RPS6KA2: variants seen among roughly 807,000 people sequenced by gnomAD.
RPS6KA2 encodes ribosomal protein S6 kinase alpha-2.
A neutral mutation model predicts 91.8 loss-of-function variants in RPS6KA2; 42 were observed. The observed-to-expected ratio is 0.46, with a 90% CI of 0.36 to 0.59. The LOEUF is 0.59. RPS6KA2 is among the 20% of genes least tolerant of loss of function. The pLI, the probability that RPS6KA2 is intolerant of heterozygous loss-of-function variation, is 0.00. For synonymous variants in RPS6KA2, 414 were observed against 393.6 expected (o/e 1.05, Z -0.61); for missense variants, 798 against 978.5 (o/e 0.82, Z 2.46).
chr6:166,518,013 C>T (rs559986212), intron 3 of RPS6KA2, among the ~76,000 whole-genome samples: 101 of 152,302 alleles, frequency 6.6e-4, no homozygotes, highest in African/African-American at 2.0e-3. Context: ...CCACTCCACA[C>T]GCTATATTTC....
chr6:166,530,733 C>T (rs1035122334), intron 3 of RPS6KA2, among the ~76,000 whole-genome samples: 1 of 152,246 alleles, frequency 6.6e-6, no homozygotes, highest in Non-Finnish European at 1.5e-5. Flanking sequence ...CTGACTCTAA[C>T]GCTGCACTAG....
intron 1 of RPS6KA2, among the ~76,000 whole-genome samples, chr6:166,859,862 G>A (rs1041206822): frequency 6.6e-6 from 1 of 152,146 alleles, no homozygotes; most frequent in Admixed American, 6.5e-5. Context: ...ATAACAGCAA[G>A]GAACTAAAGC....
At chr6:166,567,636 C>T (rs940717422) in intron 1 of RPS6KA2, among the ~76,000 whole-genome samples, 3 of 152,170 alleles carry the variant, frequency 2.0e-5, no homozygotes, top group African/African-American at 7.2e-5. Flanking sequence ...GACTGGTTTG[C>T]TTATAGCCCA....
intron 1 of RPS6KA2, among the ~76,000 whole-genome samples, chr6:166,541,807 A>G (rs1204478066): frequency 6.6e-6 from 1 of 152,244 alleles, no homozygotes. Flanking sequence ...TTTCTGTCAA[A>G]GTATTGAGAG....
chr6:166,490,531 T>G lies in RPS6KA2; in HGVS notation c.818+140A>C. 1 of 692,562 alleles carries G rather than the reference T, an allele frequency of 1.4e-6. No individual in the cohort carries two copies. The highest frequency in any genetic ancestry group is 2.7e-5 in the East Asian group (1 of 36,828). 42.9% of individuals were successfully genotyped at this position (692,562 alleles called of 1,614,324 possible). A position where few individuals can be genotyped will look rare whatever the true frequency, so the allele number is the denominator to read the frequency against. ...TACCATTTTGTGTAAAACCAGTGAC[T>G]TTTAGAAAACAGCTTACAATACTTT... On this transcript the variant is annotated intron_variant, in intron 9 of 20. Coordinates refer to ENST00000265678, the MANE Select transcript of RPS6KA2 (RefSeq NM_021135.6). The surrounding 1 kb of genome is among the most constrained non-coding windows in gnomAD (Gnocchi z 4.2).
intron 2 of RPS6KA2, among the ~76,000 whole-genome samples, chr6:166,774,390 C>T (rs953625287): frequency 2.0e-5 from 3 of 152,180 alleles, no homozygotes; most frequent in African/African-American, 7.2e-5. Context: ...GAAAATTGGA[C>T]ACTTTCAAGT....
chr6:166,473,093 G>T (rs1368578409), intron 10 of RPS6KA2, among the ~76,000 whole-genome samples: 1 of 152,158 alleles, frequency 6.6e-6, no homozygotes, highest in South Asian at 2.1e-4. Flanking sequence ...GTTTATCTGG[G>T]TCTGTGTCTC....
intron 2 of RPS6KA2, among the ~76,000 whole-genome samples, chr6:166,667,298 A>G (rs949287143): frequency 5.9e-5 from 9 of 152,368 alleles, no homozygotes; most frequent in African/African-American, 1.9e-4. Context: ...GTAAGGATAA[A>G]TGTAACTGCA....
intron 1 of RPS6KA2, among the ~76,000 whole-genome samples, chr6:166,586,986 C>T (rs1785196190): frequency 6.6e-6 from 1 of 152,086 alleles, no homozygotes; most frequent in Admixed American, 6.5e-5. Flanking sequence ...GGATGGTGTA[C>T]CTTAAAGAAG....
At chr6:166,799,775 A>ATAG (rs1270100500) in intron 2 of RPS6KA2, among the ~76,000 whole-genome samples, 3 of 151,882 alleles carry the variant, frequency 2.0e-5, no homozygotes, top group Non-Finnish European at 4.4e-5. Flanking sequence ...TTTTATTTTA[A>ATAG]TAGTTTTGGG....
At chr6:166,518,491 C>A (rs1486940715) in intron 3 of RPS6KA2, among the ~76,000 whole-genome samples, 1 of 151,986 alleles carries the variant, frequency 6.6e-6, no homozygotes, top group Non-Finnish European at 1.5e-5. Context: ...AAAATAAATA[C>A]AATACCCAAA....
chr6:166,418,106 T>G lies in RPS6KA2; in HGVS notation c.1938+119A>C. ...CTCCATTTCAAGAAAAAAAAAAAAA[T>G]ATGCTGAGGATAAAATACCTATACT... is the stretch of plus-strand genomic sequence containing the variant. On this transcript the variant is annotated intron_variant, in intron 19 of 20. Coordinates refer to ENST00000265678, the MANE Select transcript of RPS6KA2 (RefSeq NM_021135.6). The surrounding 1 kb of genome is among the most constrained non-coding windows in gnomAD (Gnocchi z 4.9). 1.5e-6 allele frequency: 1 copy of G among 665,164 alleles called. No individual in the cohort carries two copies. Among genetic ancestry groups the G allele is most frequent in the Non-Finnish European group, 2.6e-6 (1 of 390,480 alleles). 41.2% of individuals were successfully genotyped at this position (665,164 alleles called of 1,614,324 possible).
intron 2 of RPS6KA2, among the ~76,000 whole-genome samples, chr6:166,655,406 T>G (rs773826446): frequency 1.3e-5 from 2 of 152,222 alleles, no homozygotes; most frequent in Non-Finnish European, 2.9e-5. Flanking sequence ...TGGTGAATGA[T>G]GTCATGTGTG....
At chr6:166,485,130 G>A (rs1211240404) in intron 10 of RPS6KA2, among the ~76,000 whole-genome samples, 1 of 152,230 alleles carries the variant, frequency 6.6e-6, no homozygotes, top group Non-Finnish European at 1.5e-5. Flanking sequence ...AGGGCTGTGT[G>A]GGGGAGGCTG....
intron 2 of RPS6KA2, among the ~76,000 whole-genome samples, chr6:166,761,479 T>C (rs923174927): frequency 6.6e-6 from 1 of 152,384 alleles, no homozygotes; most frequent in South Asian, 2.1e-4. Flanking sequence ...GTGTATTGGC[T>C]ATGGCTTTAA....
At chr6:166,613,436 C>A (rs1301884010) in intron 1 of RPS6KA2, among the ~76,000 whole-genome samples, 1 of 152,206 alleles carries the variant, frequency 6.6e-6, no homozygotes, top group Non-Finnish European at 1.5e-5. Context: ...TCAGGTTGAT[C>A]CTGTACAGAG....
chr6:166,412,874 G>A lies in RPS6KA2; in HGVS notation c.2090C>T (p.Ala697Val). Residue 697 changes from alanine to valine, a missense_variant, in exon 21 of 21, where the codon GCC becomes GTC. Coordinates refer to ENST00000265678, the MANE Select transcript of RPS6KA2 (RefSeq NM_021135.6). This position sits in a 1 kb window ranked among gnomAD's most constrained non-coding sequence, Gnocchi z 4.3. ...TGTTCTGTTTAGAGCAAAGTAGGTGGCGGCCATCGCGCCCTGCAAAACAGA... is the reference window on the plus strand; with the variant it reads ...TGTTCTGTTTAGAGCAAAGTAGGTGACGGCCATCGCGCCCTGCAAAACAGA... ...DVHLVKGAMA[A>V]TYFALNRTPQ... 6.4e-7 allele frequency: 1 copy of A among 1,556,260 alleles called. No homozygotes were observed. Among genetic ancestry groups the A allele is most frequent in the African/African-American group, 1.4e-5 (1 of 73,698 alleles).
In RPS6KA2 at chr6:166,445,151, C is replaced by T. The variant is rs1228538195; in HGVS notation, c.1332+3573G>A. On this transcript the variant is annotated intron_variant, in intron 14 of 20. Transcript: ENST00000265678. The surrounding 1 kb of genome is among the most constrained non-coding windows in gnomAD (Gnocchi z 4.5). ...ACTCACTATGAACCTCCATACCTGA[C>T]CGTCATAGAGGTGAAGAGCTGGCCC... is the stretch of plus-strand genomic sequence containing the variant. Among the ~76,000 whole-genome samples, 4 of 151,964 alleles carry T rather than the reference C, an allele frequency of 2.6e-5. No homozygotes were observed. Among genetic ancestry groups the T allele is most frequent in the Non-Finnish European group, 4.4e-5 (3 of 67,984 alleles).
At chr6:166,769,714 T>C (rs545970380) in intron 2 of RPS6KA2, among the ~76,000 whole-genome samples, 25 of 152,304 alleles carry the variant, frequency 1.6e-4, no homozygotes, top group African/African-American at 4.3e-4. Flanking sequence ...TTGTGGGCAA[T>C]GGAATGCAGT....
Sources: gnomAD v4.1 joint callset for allele counts (sites outside exome capture counted in the v4.1 genomes callset) on GRCh38, gnomAD v4.1.1 for gene constraint, Gnocchi (gnomAD v3.1) non-coding constraint, MANE v1.5 for transcripts, NCBI Gene and HGNC (gene_info 2026-07-23, HGNC 2026-07-21) for gene names.